Variants in NALF1 observed in about 807,000 individuals in gnomAD.
NALF1 encodes NALCN channel auxiliary factor 1.
In NALF1, 3 loss-of-function variants were observed where a neutral mutation model predicts 48.4. That is an observed-to-expected ratio of 0.06 (90% CI 0.03 to 0.16). NALF1 has a LOEUF of 0.16. Among genes scored for constraint, NALF1 ranks in the 10% least tolerant of loss-of-function variants. NALF1 has a pLI of 1.00. For synonymous variants in NALF1, 262 were observed against 245.7 expected (o/e 1.07, Z -0.62); for missense variants, 526 against 571.5 (o/e 0.92, Z 0.81).
intron 1 of NALF1, among the ~76,000 whole-genome samples, chr13:107,851,805 C>CATTTTTTTTTTTTTTTTTTTTTTTTT (rs1555329721): frequency 3.8e-5 from 4 of 104,698 alleles, no homozygotes; most frequent in East Asian, 2.9e-4. Flanking sequence ...CAGGCCCTTT[C>CATTTTTTTTTTTTTTTTTTTTTTTTT]TTTTTTTTTT....
chr13:107,822,345 C>T (rs1879384360), intron 1 of NALF1, among the ~76,000 whole-genome samples: 1 of 151,078 alleles, frequency 6.6e-6, no homozygotes, highest in Non-Finnish European at 1.5e-5. Flanking sequence ...GAGTCTGGCC[C>T]TGTCTCCCAG....
At chr13:107,364,739 C>G (rs1883121206) in intron 1 of NALF1, among the ~76,000 whole-genome samples, 1 of 152,066 alleles carries the variant, frequency 6.6e-6, no homozygotes, top group Non-Finnish European at 1.5e-5. Flanking sequence ...CACTGTAATA[C>G]AGAAAGGGGG....
chr13:107,730,858 C>G (rs7317542), intron 1 of NALF1, among the ~76,000 whole-genome samples: 7,734 of 152,150 alleles, frequency 0.051, 546 homozygotes, highest in African/African-American at 0.15. Context: ...CAGCATATGC[C>G]GAAATCCCTG....
chr13:107,233,524 C>G (rs1880271780), intron 1 of NALF1, among the ~76,000 whole-genome samples: 1 of 152,146 alleles, frequency 6.6e-6, no homozygotes, highest in South Asian at 2.1e-4. Context: ...AAAATCTTGA[C>G]TTCAAGGACC....
intron 1 of NALF1, among the ~76,000 whole-genome samples, chr13:107,797,636 A>C (rs1450978139): frequency 6.6e-6 from 1 of 152,222 alleles, no homozygotes; most frequent in African/African-American, 2.4e-5. Context: ...TGAACACAAC[A>C]CATCTTCATG....
intron 1 of NALF1, among the ~76,000 whole-genome samples, chr13:107,644,278 G>C (rs1191564835): frequency 6.6e-6 from 1 of 151,858 alleles, no homozygotes; most frequent in Non-Finnish European, 1.5e-5. Flanking sequence ...GTTGACATAA[G>C]GTTTACACAG....
intron 1 of NALF1, among the ~76,000 whole-genome samples, chr13:107,375,337 T>G (rs537252099): frequency 6.6e-6 from 1 of 152,304 alleles, no homozygotes; most frequent in African/African-American, 2.4e-5. Flanking sequence ...TGAACACTAA[T>G]GAAGACAAAT....
intron 1 of NALF1, among the ~76,000 whole-genome samples, chr13:107,707,625 C>A (rs1331590305): frequency 1.3e-5 from 2 of 152,226 alleles, no homozygotes; most frequent in Non-Finnish European, 2.9e-5. Context: ...GTTGTGGTCA[C>A]TGTGTGCAAT....
intron 1 of NALF1, among the ~76,000 whole-genome samples, chr13:107,469,321 T>C (rs982694249): frequency 7.2e-5 from 11 of 152,204 alleles, no homozygotes; most frequent in African/African-American, 2.4e-4. Flanking sequence ...TGATGCTTCT[T>C]ATAGACGATG....
chr13:107,262,773 T>G (rs868043338), intron 1 of NALF1, among the ~76,000 whole-genome samples: 19 of 141,774 alleles, frequency 1.3e-4, no homozygotes, highest in East Asian at 4.2e-4. Flanking sequence ...ACAGGCGCTC[T>G]CTCTCTCTCT....
At chr13:107,849,161 C>T (rs1366759634) in intron 1 of NALF1, among the ~76,000 whole-genome samples, 3 of 152,170 alleles carry the variant, frequency 2.0e-5, no homozygotes, top group African/African-American at 7.2e-5. Flanking sequence ...ACTGGTAATA[C>T]TCTATCTCAT....
At chr13:107,683,587 T>C (rs769621353) in intron 1 of NALF1, among the ~76,000 whole-genome samples, 60 of 152,206 alleles carry the variant, frequency 3.9e-4, no homozygotes, top group Non-Finnish European at 6.9e-4. Flanking sequence ...GGACGGAGAA[T>C]ACAGTTCTTT....
intron 1 of NALF1, among the ~76,000 whole-genome samples, chr13:107,389,473 G>T (rs1441782093): frequency 6.6e-6 from 1 of 152,136 alleles, no homozygotes; most frequent in Non-Finnish European, 1.5e-5. Context: ...ACATCCACAA[G>T]CCAAGGAGAG....
chr13:107,461,084 G>A (rs910283941), intron 1 of NALF1, among the ~76,000 whole-genome samples: 1 of 152,000 alleles, frequency 6.6e-6, no homozygotes, highest in African/African-American at 2.4e-5. Flanking sequence ...CCAAAATTTA[G>A]AGAATTATTT....
chr13:107,604,036 T>C (rs556851666), intron 1 of NALF1, among the ~76,000 whole-genome samples: 98 of 152,316 alleles, frequency 6.4e-4, no homozygotes, highest in African/African-American at 2.3e-3. Context: ...ATTGGTTCTC[T>C]AACCATATTC....
intron 1 of NALF1, among the ~76,000 whole-genome samples, chr13:107,833,558 A>G (rs1187310066): frequency 6.6e-6 from 1 of 152,194 alleles, no homozygotes; most frequent in African/African-American, 2.4e-5. Flanking sequence ...CCATGTTTAA[A>G]TGTATTTTTT....
chr13:107,388,651 T>C (rs1883570187), intron 1 of NALF1, among the ~76,000 whole-genome samples: 1 of 152,206 alleles, frequency 6.6e-6, no homozygotes, highest in Non-Finnish European at 1.5e-5. Context: ...TTCCAATGAA[T>C]GTTCTTTAAG....
chr13:107,248,809 T>C (rs544801863), intron 1 of NALF1, among the ~76,000 whole-genome samples: 1 of 151,440 alleles, frequency 6.6e-6, no homozygotes, highest in Admixed American at 6.6e-5. Context: ...TGGATTAAGG[T>C]ACAGCCTTTT....
chr13:107,260,062 C>A lies in NALF1; in HGVS notation c.916-49307G>T, dbSNP rs117990402. Among the ~76,000 whole-genome samples, 256 of 152,250 alleles carry A rather than the reference C, an allele frequency of 1.7e-3. 1 individual carries two copies. Among genetic ancestry groups the A allele is most frequent in the Non-Finnish European group, 2.1e-3 (141 of 68,012 alleles). On this transcript the variant is annotated intron_variant, in intron 1 of 2. Coordinates refer to ENST00000375915, the MANE Select transcript of NALF1 (RefSeq NM_001080396.3). ...ATGGAAGAGACATGGAAAGTTTAAT[C>A]AAGAATATAGAACTGAATCTGGGTC...
Sources: allele counts gnomAD v4.1 joint callset (sites outside exome capture counted in the v4.1 genomes callset), GRCh38; gene constraint gnomAD v4.1.1; transcripts MANE v1.5; gene names NCBI Gene and HGNC (gene_info 2026-07-23, HGNC 2026-07-21).